ZNF718: variants seen among roughly 807,000 people sequenced by gnomAD.
The protein encoded by ZNF718 is zinc finger protein 718.
A neutral mutation model predicts 2.6 loss-of-function variants in ZNF718; 3 were observed. That is an observed-to-expected ratio of 1.16 (90% CI 0.53 to 3.01). ZNF718 has a LOEUF of 3.01. Ranked by LOEUF, ZNF718 falls within the 30% of genes most tolerant of loss-of-function variation. The pLI is 0.03. For synonymous variants in ZNF718, 135 were observed against 77.9 expected, an observed-to-expected ratio of 1.73 and a Z score of -3.86; for missense variants, 468 against 230.0, an observed-to-expected ratio of 2.03 and a Z score of -6.69.
chr4:201,481 G>T (rs1408511725), intron 4 of ZNF718: 3 of 153,276 alleles, frequency 2.0e-5, no homozygotes, highest in African/African-American at 7.2e-5. Flanking sequence ...GTTCCTCTGG[G>T]TGGTGGACCT....
intron 3 of ZNF718, among the ~76,000 whole-genome samples, chr4:146,352 C>T (rs538285045): frequency 5.9e-5 from 9 of 152,142 alleles, no homozygotes; most frequent in East Asian, 1.9e-4. Flanking sequence ...TTTAAATATA[C>T]GGTCTCACTT....
intron 3 of ZNF718, among the ~76,000 whole-genome samples, chr4:173,420 G>A (rs1553818481): frequency 7.2e-5 from 11 of 152,096 alleles, no homozygotes; most frequent in East Asian, 3.9e-4. Context: ...CACCAAAATC[G>A]TTTTCTATTT....
intron 3 of ZNF718, among the ~76,000 whole-genome samples, chr4:196,962 G>A (rs1717803814): frequency 6.6e-6 from 1 of 150,442 alleles, no homozygotes; most frequent in Non-Finnish European, 1.5e-5. Flanking sequence ...GCCACTAAAT[G>A]TTATGGGCGG....
chr4:144,950 T>A (rs1715983228), intron 3 of ZNF718, among the ~76,000 whole-genome samples: 1 of 152,138 alleles, frequency 6.6e-6, no homozygotes, highest in African/African-American at 2.4e-5. Flanking sequence ...ACAGATTTTT[T>A]TTTTCTATAT....
intron 3 of ZNF718, among the ~76,000 whole-genome samples, chr4:189,681 A>G (rs748525288): frequency 1.3e-5 from 2 of 152,198 alleles, no homozygotes; most frequent in Non-Finnish European, 2.9e-5. Flanking sequence ...GAAGAAATGT[A>G]CATTCTTGTT....
chr4:170,581 A>G (rs111982627), intron 3 of ZNF718, among the ~76,000 whole-genome samples: 1,936 of 151,544 alleles, frequency 0.013, 48 homozygotes, highest in African/African-American at 0.044. Flanking sequence ...TTCTCTTCTC[A>G]CTTCATTTCA....
exon 5 of ZNF718, chr4:201,710 G>A: frequency 5.4e-6 from 1 of 183,980 alleles, no homozygotes; most frequent in South Asian, 1.2e-4. Flanking sequence ...TCATAAATTT[G>A]GGCAACTCTG....
chr4:151,418 T>G (rs375558551), intron 3 of ZNF718, among the ~76,000 whole-genome samples: 26 of 152,124 alleles, frequency 1.7e-4, no homozygotes, highest in African/African-American at 6.3e-4. Flanking sequence ...TCTTTTCAAT[T>G]ACAGTCTTTT....
At chr4:133,563 A>T (rs114348802) in intron 3 of ZNF718, among the ~76,000 whole-genome samples, 2,218 of 152,314 alleles carry the variant, frequency 0.015, 38 homozygotes, top group Non-Finnish European at 0.02. Flanking sequence ...ACACATACCT[A>T]TATAAGTTAT....
At chr4:144,512 A>T (rs1715961075) in intron 3 of ZNF718, among the ~76,000 whole-genome samples, 1 of 152,144 alleles carries the variant, frequency 6.6e-6, no homozygotes, top group African/African-American at 2.4e-5. Flanking sequence ...GTCTGTCTAC[A>T]TTATAAGATT....
At chr4:188,282 A>T (rs1378774559) in intron 3 of ZNF718, among the ~76,000 whole-genome samples, 1 of 152,200 alleles carries the variant, frequency 6.6e-6, no homozygotes, top group Non-Finnish European at 1.5e-5. Flanking sequence ...GCCTGGCCAT[A>T]TCTTGGTAAA....
chr4:151,384 G>T (rs1716315571), intron 3 of ZNF718, among the ~76,000 whole-genome samples: 1 of 152,142 alleles, frequency 6.6e-6, no homozygotes, highest in Non-Finnish European at 1.5e-5. Context: ...AGGATTACAG[G>T]CATGAGCCAC....
At chr4:188,531 C>A (rs1207126800) in intron 3 of ZNF718, among the ~76,000 whole-genome samples, 1 of 152,176 alleles carries the variant, frequency 6.6e-6, no homozygotes, top group Non-Finnish European at 1.5e-5. Context: ...CTGGATTCAG[C>A]CTCTTCCTGG....
At position 161,857 on chromosome 4, in the gene ZNF718, G is replaced by GA. The variant is rs1229472796; in HGVS notation, c.1178dup (p.Asn393LysfsTer6). On this transcript the variant is annotated frameshift_variant, in exon 4 of 4. Coordinates refer to ENST00000510175, the MANE Select transcript of ZNF718 (RefSeq NM_001039127.6). LOFTEE classifies it low-confidence loss of function (END_TRUNC). ...AATGTACACAAGAGAATTCACTCTGGAAAAAATCCCTACAAATGTGAAGAT... is the reference window on the plus strand; with the variant it reads ...AATGTACACAAGAGAATTCACTCTGGAAAAAAATCCCTACAAATGTGAAGAT... 8 of 780,512 alleles carry GA rather than the reference G, an allele frequency of 1.0e-5. No individual in the cohort carries two copies. Among genetic ancestry groups the GA allele is most frequent in the African/African-American group, 5.1e-5 (3 of 59,070 alleles). The allele number at this position is 780,512 out of a possible 1,614,324, so 48.3% of individuals were successfully genotyped here.
chr4:144,054 C>T (rs1289890194), intron 3 of ZNF718, among the ~76,000 whole-genome samples: 2 of 152,090 alleles, frequency 1.3e-5, no homozygotes, highest in African/African-American at 4.8e-5. Flanking sequence ...GGGCATCCAC[C>T]GTTAATAACT....
rs140271777 is a variant in ZNF718 at position 180,438 on chromosome 4, G to T, written c.227-20643G>T. Among the ~76,000 whole-genome samples the T allele has an allele frequency of 8.5e-3, 1,300 of 152,258 alleles. 18 individuals carry two copies. Among genetic ancestry groups the T allele is most frequent in the Middle Eastern group, 0.061 (18 of 294 alleles). On this transcript the variant is annotated intron_variant and NMD_transcript_variant, in intron 3 of 4. Transcript: ENST00000642529. Reference sequence around the variant, plus strand: ...CCAAGAGGAGGAATTCTCCAGAAAGGAGCCAGGGATCTCAGTATAAGAAAA... The same window carrying T: ...CCAAGAGGAGGAATTCTCCAGAAAGTAGCCAGGGATCTCAGTATAAGAAAA...
chr4:131,570 G>A lies in ZNF718; in HGVS notation c.226+65G>A. On this transcript the variant is annotated intron_variant, in intron 3 of 3. Transcript: ENST00000510175. Reference sequence around the variant, plus strand: ...GGCCAAAAGTCAAGAAGGAAGCCAGGCCTTCAAATGTTGTTTGAGAGGCTG... The same window carrying A: ...GGCCAAAAGTCAAGAAGGAAGCCAGACCTTCAAATGTTGTTTGAGAGGCTG... 2 of 303,534 alleles carry A rather than the reference G, an allele frequency of 6.6e-6. 1 individual carries two copies. The highest frequency in any genetic ancestry group is 1.2e-5 in the Non-Finnish European group (2 of 170,666). The allele number at this position is 303,534 out of a possible 1,614,324, so 18.8% of individuals were successfully genotyped here.
chr4:200,029 T>C (rs1241295495), intron 3 of ZNF718, among the ~76,000 whole-genome samples: 1 of 152,264 alleles, frequency 6.6e-6, no homozygotes, highest in Non-Finnish European at 1.5e-5. Context: ...AAAATCTGTT[T>C]GCCAGTATGA....
chr4:193,209 C>T (rs531365953), intron 3 of ZNF718, among the ~76,000 whole-genome samples: 17 of 152,186 alleles, frequency 1.1e-4, no homozygotes, highest in Non-Finnish European at 1.3e-4. Context: ...CGGCTCTTTT[C>T]GCTTCAATAT....
Sources: allele counts gnomAD v4.1 joint callset (sites outside exome capture counted in the v4.1 genomes callset), GRCh38; gene constraint gnomAD v4.1.1; transcripts MANE v1.5; gene names NCBI Gene and HGNC (gene_info 2026-07-23, HGNC 2026-07-21).